KLHL1: variants seen among roughly 807,000 people sequenced by gnomAD.
KLHL1 encodes kelch-like protein 1.
Under a neutral mutation model 77.7 loss-of-function variants are expected in KLHL1, and 47 were observed. The ratio of observed to expected loss-of-function variants is 0.60; its 90% CI spans 0.48 to 0.77. The LOEUF (loss-of-function observed/expected upper bound fraction) is 0.77, where lower values mean the gene tolerates loss of function less well. Ranked by LOEUF, KLHL1 falls within the 30% of genes least tolerant of loss-of-function variation. The pLI is 0.00. For synonymous variants in KLHL1, 360 were observed against 325.2 expected (o/e 1.11, Z -1.15); for missense variants, 925 against 910.8 (o/e 1.02, Z -0.20).
intron 2 of KLHL1, among the ~76,000 whole-genome samples, chr13:69,964,033 A>T (rs935987667): frequency 1.1e-4 from 13 of 115,138 alleles, no homozygotes; most frequent in African/African-American, 4.3e-4. Context: ...CACTGTTGGA[A>T]TTTTTTTGTC....
Position 70,031,989 on chromosome 13 carries a change from C to T in KLHL1, c.498-56187G>A, listed in dbSNP as rs140447406. Among the ~76,000 whole-genome samples, 7 of 152,192 alleles carry T rather than the reference C, an allele frequency of 4.6e-5. No homozygotes were observed. The East Asian group carries it at 1.4e-3, about 29-fold the overall frequency. On this transcript the variant is annotated intron_variant, in intron 1 of 10. Coordinates refer to ENST00000377844, the MANE Select transcript of KLHL1 (RefSeq NM_020866.3). ...GAATATGATATTTAGGTTGAGAAAGCCCTGGGGGTGAATCCTGATTATGTC... is the reference window on the plus strand; with the variant it reads ...GAATATGATATTTAGGTTGAGAAAGTCCTGGGGGTGAATCCTGATTATGTC...
intron 4 of KLHL1, among the ~76,000 whole-genome samples, chr13:69,891,505 G>GAGTT (rs1881424647): frequency 6.6e-6 from 1 of 151,922 alleles, no homozygotes; most frequent in Admixed American, 6.6e-5. Context: ...TAGATAAGAG[G>GAGTT]AGTTAGAAAT....
intron 4 of KLHL1, among the ~76,000 whole-genome samples, chr13:69,886,283 A>AT (rs1881214637): frequency 6.6e-6 from 1 of 152,112 alleles, no homozygotes; most frequent in Non-Finnish European, 1.5e-5. Context: ...CTAAACTACT[A>AT]TTTACTACGA....
chr13:69,812,382 C>A (rs1351683198), intron 6 of KLHL1, among the ~76,000 whole-genome samples: 4 of 152,060 alleles, frequency 2.6e-5, no homozygotes, highest in Admixed American at 1.3e-4. Flanking sequence ...TAGAAGAAAA[C>A]CTAGGGAATA....
intron 4 of KLHL1, among the ~76,000 whole-genome samples, chr13:69,928,867 G>A (rs999162062): frequency 1.3e-5 from 2 of 151,894 alleles, no homozygotes; most frequent in African/African-American, 4.8e-5. Context: ...ATACTAAAAG[G>A]CATTAAATTG....
chr13:69,745,514 A>C (rs1251190717), intron 7 of KLHL1, among the ~76,000 whole-genome samples: 9 of 152,046 alleles, frequency 5.9e-5, no homozygotes, highest in African/African-American at 2.2e-4. Flanking sequence ...TTTAGGAAAA[A>C]GATGTTACTG....
intron 4 of KLHL1, among the ~76,000 whole-genome samples, chr13:69,912,790 C>T (rs921802289): frequency 6.6e-6 from 1 of 152,112 alleles, no homozygotes; most frequent in African/African-American, 2.4e-5. Context: ...AATCCACTGT[C>T]ACAGTCCCTT....
intron 6 of KLHL1, among the ~76,000 whole-genome samples, chr13:69,813,329 TG>T (rs1367046577): frequency 7.3e-6 from 1 of 137,120 alleles, no homozygotes; most frequent in Non-Finnish European, 1.6e-5. Context: ...TGTTGTGGGG[TG>T]GGGGGAGAGG....
chr13:69,708,735 C>T (rs775648733), intron 9 of KLHL1, among the ~76,000 whole-genome samples: 6 of 151,924 alleles, frequency 3.9e-5, no homozygotes, highest in African/African-American at 1.5e-4. Flanking sequence ...AATGAAGAAA[C>T]CGTACCTTTG....
chr13:69,946,531 G>A (rs2137247781), intron 3 of KLHL1, among the ~76,000 whole-genome samples: 1 of 150,500 alleles, frequency 6.6e-6, no homozygotes, highest in East Asian at 1.9e-4. Flanking sequence ...TTTTCTTTTT[G>A]AGACAAGGTC....
At chr13:69,790,620 G>T (rs1876826240) in intron 7 of KLHL1, among the ~76,000 whole-genome samples, 1 of 152,074 alleles carries the variant, frequency 6.6e-6, no homozygotes, top group African/African-American at 2.4e-5. Flanking sequence ...TAATGTATTT[G>T]AAAAAGACAA....
intron 5 of KLHL1, among the ~76,000 whole-genome samples, chr13:69,845,496 C>A (rs1879423864): frequency 6.6e-6 from 1 of 151,496 alleles, no homozygotes; most frequent in Non-Finnish European, 1.5e-5. Flanking sequence ...TAAAAGTTAG[C>A]TAGTTTTTGG....
At chr13:69,949,999 C>T (rs1162188259) in intron 3 of KLHL1, among the ~76,000 whole-genome samples, 2 of 151,608 alleles carry the variant, frequency 1.3e-5, no homozygotes, top group Non-Finnish European at 3.0e-5. Flanking sequence ...AAACAGAATA[C>T]AAATTCTACC....
At chr13:69,813,796 C>T (rs1878003398) in intron 6 of KLHL1, among the ~76,000 whole-genome samples, 1 of 152,116 alleles carries the variant, frequency 6.6e-6, no homozygotes, top group African/African-American at 2.4e-5. Flanking sequence ...CTGGAAGAAT[C>T]AATATCATTA....
chr13:69,892,503 G>A (rs1881459131), intron 4 of KLHL1, among the ~76,000 whole-genome samples: 1 of 152,014 alleles, frequency 6.6e-6, no homozygotes, highest in South Asian at 2.1e-4. Context: ...AAAGTGGCTG[G>A]AAGAATCTAC....
At chr13:69,717,298 G>C (rs1872813938) in intron 9 of KLHL1, among the ~76,000 whole-genome samples, 1 of 152,066 alleles carries the variant, frequency 6.6e-6, no homozygotes, top group African/African-American at 2.4e-5. Flanking sequence ...TGTGCAAAGT[G>C]GTTCCACAGA....
chr13:69,962,782 AGTAGCCTC>A (rs61194858), intron 2 of KLHL1, among the ~76,000 whole-genome samples: 93,189 of 151,172 alleles, frequency 0.62, 28,750 homozygotes, highest in South Asian at 0.65. Flanking sequence ...TCAAGGCTAT[AGTAGCCTC>A]ATAATATGAG....
intron 7 of KLHL1, among the ~76,000 whole-genome samples, chr13:69,778,488 T>C (rs1875948974): frequency 6.6e-6 from 1 of 151,580 alleles, no homozygotes; most frequent in East Asian, 1.9e-4. Flanking sequence ...CATTGCCGAA[T>C]ATAGTATCTT....
At chr13:69,802,979 A>G (rs1444020324) in intron 6 of KLHL1, 4 of 152,182 alleles carry the variant, frequency 2.6e-5, no homozygotes, top group Non-Finnish European at 4.4e-5. Context: ...CTAATCAATC[A>G]TAACCAATTA....
Sources: allele counts gnomAD v4.1 joint callset (sites outside exome capture counted in the v4.1 genomes callset), GRCh38; gene constraint gnomAD v4.1.1; transcripts MANE v1.5; gene names NCBI Gene and HGNC (gene_info 2026-07-23, HGNC 2026-07-21).